Variants in SLC25A48 observed in about 807,000 individuals in gnomAD.
SLC25A48 encodes solute carrier family 25 member 48.
Under a neutral mutation model 32.2 loss-of-function variants are expected in SLC25A48, and 29 were observed. The ratio of observed to expected loss-of-function variants is 0.90; its 90% CI spans 0.67 to 1.23. The LOEUF is 1.23. Ranked by LOEUF, SLC25A48 falls within the 50% of genes most tolerant of loss-of-function variation. SLC25A48 has a pLI of 0.00. For missense variants in SLC25A48, 399 were observed against 422.7 expected, an observed-to-expected ratio of 0.94 and a Z score of 0.49; for synonymous variants, 164 against 172.3, an observed-to-expected ratio of 0.95 and a Z score of 0.38.
At chr5:135,700,960 C>CA (rs546625006) in intron 3 of SLC25A48, among the ~76,000 whole-genome samples, 236 of 152,312 alleles carry the variant, frequency 1.5e-3, no homozygotes, top group African/African-American at 5.6e-3. Context: ...TGGGGGAGCT[C>CA]ACTTTCCTGC....
At chr5:135,860,949 T>A (rs886131151) in intron 4 of SLC25A48, among the ~76,000 whole-genome samples, 9 of 152,124 alleles carry the variant, frequency 5.9e-5, no homozygotes, top group African/African-American at 1.9e-4. Flanking sequence ...CCAGCTCAGG[T>A]GGTTGGGGGA....
At chr5:135,820,684 T>C (rs906569712) in intron 4 of SLC25A48, among the ~76,000 whole-genome samples, 2 of 152,234 alleles carry the variant, frequency 1.3e-5, no homozygotes, top group African/African-American at 4.8e-5. Flanking sequence ...GTGTCTATTT[T>C]GGTATTTCAA....
chr5:135,588,928 A>C (rs1751439938), intron 1 of SLC25A48, among the ~76,000 whole-genome samples: 1 of 152,198 alleles, frequency 6.6e-6, no homozygotes, highest in South Asian at 2.1e-4. Context: ...TTTCACAAAC[A>C]AAAAAACAAA....
chr5:135,834,922 C>A (rs2126675787), intron 1 of SLC25A48, 29 bp downstream of exon 1: 11 of 1,593,884 alleles, frequency 6.9e-6, no homozygotes, highest in Non-Finnish European at 9.4e-6. Flanking sequence ...GACCCCCGGT[C>A]AGAGAGAGCG....
At chr5:135,814,045 C>T (rs1257807631) in intron 4 of SLC25A48, among the ~76,000 whole-genome samples, 2 of 152,134 alleles carry the variant, frequency 1.3e-5, no homozygotes, top group African/African-American at 4.8e-5. Flanking sequence ...ACCCATGTGG[C>T]GGGTTTGGGG....
chr5:135,597,316 C>T (rs1407050441), intron 1 of SLC25A48, among the ~76,000 whole-genome samples: 1 of 152,192 alleles, frequency 6.6e-6, no homozygotes, highest in East Asian at 1.9e-4. Context: ...GAAGGGCTGA[C>T]AGGGTGGCCA....
At chr5:135,883,351 T>C (rs978279178) in intron 7 of SLC25A48, 2 of 985,100 alleles carry the variant, frequency 2.0e-6, no homozygotes, top group Non-Finnish European at 2.4e-6. Context: ...AAAACTGGAG[T>C]AAAATAGACC....
intron 3 of SLC25A48, among the ~76,000 whole-genome samples, chr5:135,682,555 T>A (rs1753922229): frequency 6.6e-6 from 1 of 152,206 alleles, no homozygotes; most frequent in Non-Finnish European, 1.5e-5. Context: ...CCTTGAAGGA[T>A]GTAAAGAGAA....
chr5:135,842,416 G>T lies in SLC25A48; in HGVS notation c.47G>T (p.Gly16Val). The T allele has an allele frequency of 6.2e-7, 1 of 1,613,614 alleles. No homozygotes were observed. The highest frequency in any genetic ancestry group is 1.3e-5 in the African/African-American group (1 of 74,992). The change falls in exon 2 of 8, where the codon GGT (glycine) becomes GTT (valine). Residue 16 changes from glycine (G) to valine (V), a missense_variant and splice_region_variant. Coordinates refer to ENST00000681962, the MANE Select transcript of SLC25A48 (RefSeq NM_001349336.2). ...CTAGGCATTCTTTTTTGATCCACAG[G>T]TGCAGCCAGTGTCATCGTTGGCCAC... ...LEDFAAGWIG[G>V]AASVIVGHPL...
At chr5:135,699,167 A>G (rs182658843) in intron 3 of SLC25A48, among the ~76,000 whole-genome samples, 1 of 152,322 alleles carries the variant, frequency 6.6e-6, no homozygotes, top group Admixed American at 6.5e-5. Context: ...TTTGATTTCT[A>G]ATTATTTACC....
intron 3 of SLC25A48, among the ~76,000 whole-genome samples, chr5:135,767,383 A>G (rs1339001969): frequency 6.6e-6 from 1 of 151,968 alleles, no homozygotes; most frequent in Non-Finnish European, 1.5e-5. Flanking sequence ...ATTACTCCCC[A>G]TATTGCGGGC....
intron 1 of SLC25A48, among the ~76,000 whole-genome samples, chr5:135,591,689 G>C (rs1431793681): frequency 3.3e-5 from 5 of 152,216 alleles, no homozygotes; most frequent in Non-Finnish European, 7.3e-5. Context: ...AGCCAATGGG[G>C]AGTGGGAGCT....
intron 1 of SLC25A48, among the ~76,000 whole-genome samples, chr5:135,585,973 C>T (rs1025424183): frequency 1.3e-5 from 2 of 152,132 alleles, no homozygotes; most frequent in African/African-American, 4.8e-5. Context: ...TTATGAAATG[C>T]TTATAGAATG....
At chr5:135,789,834 C>G (rs12653438) in intron 3 of SLC25A48, among the ~76,000 whole-genome samples, 98,709 of 151,832 alleles carry the variant, frequency 0.65, 34,238 homozygotes, top group Non-Finnish European at 0.78. Context: ...TTGGAATAAG[C>G]TATAACAGTT....
intron 3 of SLC25A48, among the ~76,000 whole-genome samples, chr5:135,760,361 G>C (rs1175798886): frequency 6.6e-6 from 1 of 152,172 alleles, no homozygotes; most frequent in African/African-American, 2.4e-5. Flanking sequence ...CTGCCTGTTT[G>C]ACTTGGTTGG....
intron 4 of SLC25A48, among the ~76,000 whole-genome samples, chr5:135,866,568 A>C (rs1212114776): frequency 1.3e-5 from 2 of 152,126 alleles, no homozygotes; most frequent in African/African-American, 4.8e-5. Flanking sequence ...GGTACCTGTT[A>C]GGATTGGCCA....
intron 3 of SLC25A48, among the ~76,000 whole-genome samples, chr5:135,737,215 G>A (rs1015208101): frequency 3.3e-5 from 5 of 151,782 alleles, no homozygotes; most frequent in Non-Finnish European, 4.4e-5. Flanking sequence ...GGGTGGGGCC[G>A]TTTTATAGGA....
intron 3 of SLC25A48, among the ~76,000 whole-genome samples, chr5:135,770,754 A>C (rs1756386554): frequency 6.6e-6 from 1 of 151,478 alleles, no homozygotes; most frequent in Non-Finnish European, 1.5e-5. Context: ...ATTGTTCCTA[A>C]TATCCATAAT....
chr5:135,734,728 A>G (rs1755312935), intron 3 of SLC25A48, among the ~76,000 whole-genome samples: 1 of 149,550 alleles, frequency 6.7e-6, no homozygotes, highest in Admixed American at 6.7e-5. Flanking sequence ...GAGGCAGGAG[A>G]GTGGCGTGAA....
Sources: allele counts gnomAD v4.1 joint callset (sites outside exome capture counted in the v4.1 genomes callset), GRCh38; gene constraint gnomAD v4.1.1; transcripts MANE v1.5; gene names NCBI Gene and HGNC (gene_info 2026-07-23, HGNC 2026-07-21).